The following DAW1 variants were observed in gnomAD, a reference collection of about 807,000 sequenced individuals.
DAW1 encodes the protein dynein assembly factor with WD repeats 1.
In DAW1, 47 loss-of-function variants were observed where a neutral mutation model predicts 56.5. The observed-to-expected ratio is 0.83, with a 90% CI of 0.66 to 1.06. The LOEUF (loss-of-function observed/expected upper bound fraction) is 1.06. DAW1 is among the 50% of genes least tolerant of loss of function. DAW1 has a pLI of 0.00. For synonymous variants in DAW1, 190 were observed against 179.0 expected (o/e 1.06, Z -0.49); for missense variants, 505 against 499.3 (o/e 1.01, Z -0.11).
chr2:227,902,754 G>A (rs1691575727), intron 6 of DAW1, among the ~76,000 whole-genome samples: 5 of 152,288 alleles, frequency 3.3e-5, no homozygotes, highest in African/African-American at 1.2e-4. Context: ...TCTGTGGTCT[G>A]GAAGTGGCAA....
rs1691709260 is a variant in DAW1 at position 227,907,274 on chromosome 2, T to TGGTAG, written c.973+22_973+23insGGTAG. Reference sequence around the variant, plus strand: ...GATGGTAGGTGATCTGTTCATTCTTTTAATTTTTGGAGAGATTTATGCTTT... The same window carrying TGGTAG: ...GATGGTAGGTGATCTGTTCATTCTTTGGTAGTAATTTTTGGAGAGATTTATGCTTT... On this transcript the variant is annotated intron_variant, in intron 10 of 12. Transcript: ENST00000309931. 3 of 1,587,368 alleles carry TGGTAG rather than the reference T, an allele frequency of 1.9e-6. No individual in the cohort carries two copies. In the African/African-American group the frequency reaches 4.0e-5, roughly 21 times the overall value.
chr2:227,894,106 A>T (rs906305509), intron 5 of DAW1, among the ~76,000 whole-genome samples, 189 bp downstream of exon 5: 1 of 152,026 alleles, frequency 6.6e-6, no homozygotes, highest in African/African-American at 2.4e-5. Flanking sequence ...CCGCATATAG[A>T]ATACAAGGTT....
chr2:227,916,804 A>G (rs1024422251), intron 10 of DAW1, among the ~76,000 whole-genome samples: 6 of 152,148 alleles, frequency 3.9e-5, no homozygotes, highest in Non-Finnish European at 7.3e-5. Context: ...TGTCTGCGTT[A>G]TCTCCTTTAA....
chr2:227,884,134 C>G (rs1691070619), intron 1 of DAW1, among the ~76,000 whole-genome samples: 1 of 152,146 alleles, frequency 6.6e-6, no homozygotes, highest in Admixed American at 6.5e-5. Flanking sequence ...GTCATCTCTA[C>G]TTTTGAACTC....
At chr2:227,892,517 C>G (rs75603127) in intron 4 of DAW1, among the ~76,000 whole-genome samples, 9,192 of 152,190 alleles carry the variant, frequency 0.06, 950 homozygotes, top group African/African-American at 0.21. Context: ...ATTATGACTT[C>G]AACATATAAA....
At position 227,878,809 on chromosome 2, in the gene DAW1, ATTT is replaced by A. The variant is rs61488173; in HGVS notation, c.41-6527_41-6525del. ...CTCTTACTTTTTAAATTTAAATTTAATTTTTTTTTTTTTTTTTGCCCAGGGTGG... is the reference window on the plus strand; with the variant it reads ...CTCTTACTTTTTAAATTTAAATTTAATTTTTTTTTTTTTTGCCCAGGGTGG... On this transcript the variant is annotated intron_variant, in intron 1 of 12. Transcript: ENST00000309931. 3.1e-3 allele frequency among the ~76,000 whole-genome samples: 434 copies of A among 138,080 alleles called. 2 individuals are homozygous for A. Among genetic ancestry groups the A allele is most frequent in the Middle Eastern group, 0.011 (3 of 266 alleles). 90.6% of individuals were successfully genotyped at this position (138,080 alleles called of 152,430 possible).
intron 1 of DAW1, among the ~76,000 whole-genome samples, chr2:227,872,980 C>T (rs558989887): frequency 6.6e-6 from 1 of 152,278 alleles, no homozygotes; most frequent in East Asian, 1.9e-4. Flanking sequence ...TCCTATCATG[C>T]TTAGAATACG....
chr2:227,882,586 C>A (rs1691035852), intron 1 of DAW1, among the ~76,000 whole-genome samples: 1 of 152,196 alleles, frequency 6.6e-6, no homozygotes, highest in Admixed American at 6.5e-5. Flanking sequence ...ACTAAGAAAG[C>A]ACTTCTGCTC....
chr2:227,921,305 C>CTTTTTTTTTTTTTTTTTTTTTTTTTT (rs556409280), intron 11 of DAW1, 94 bp from the exon 12 acceptor site: 1 of 433,768 alleles, frequency 2.3e-6, no homozygotes, highest in African/African-American at 4.3e-5. Flanking sequence ...CTGTAATGTC[C>CTTTTTTTTTTTTTTTTTTTTTTTTTT]TTTTTTTTTT....
intron 5 of DAW1, among the ~76,000 whole-genome samples, chr2:227,894,929 A>G (rs1006347500): frequency 6.6e-6 from 1 of 152,268 alleles, no homozygotes; most frequent in African/African-American, 2.4e-5. Flanking sequence ...ATTGTGTAAC[A>G]TAACGTGTAA....
rs34249337 is a variant in DAW1, at chr2:227,906,307, T to C, written c.827T>C (p.Ile276Thr). 1,479 of 1,612,596 alleles carry C rather than the reference T, an allele frequency of 9.2e-4. 3 individuals carry two copies. The highest frequency in any genetic ancestry group is 1.2e-3 in the Non-Finnish European group (1,415 of 1,179,094). ...SASFNWDCSL[I>T]LTGSMDKTCK... ...TCATTCAATTGGGATTGCTCTCTAA[T>C]ATTAACTGGCTCTATGGACAAAACC... Residue 276 changes from isoleucine (I) to threonine (T), a missense_variant, in exon 9 of 13, where the codon ATA (isoleucine) becomes ACA (threonine). Transcript: ENST00000309931.
chr2:227,883,412 A>G (rs1413435776), intron 1 of DAW1, among the ~76,000 whole-genome samples: 1 of 152,250 alleles, frequency 6.6e-6, no homozygotes, highest in African/African-American at 2.4e-5. Flanking sequence ...TCAAATGTCC[A>G]GTGCATGATT....
rs182489270 is a variant in DAW1 at position 227,914,394 on chromosome 2, C to T, written c.974-4386C>T. 2.7e-3 allele frequency among the ~76,000 whole-genome samples: 407 copies of T among 152,040 alleles called. 2 individuals carry two copies. Among genetic ancestry groups the T allele is most frequent in the Admixed American group, 5.4e-3 (82 of 15,260 alleles). On this transcript the variant is annotated intron_variant, in intron 10 of 12. Coordinates refer to ENST00000309931, the MANE Select transcript of DAW1 (RefSeq NM_178821.3). Reference sequence around the variant, plus strand: ...TATGTATACCAAATCTCCTTTACAACCATTGATGATCTATGTTATTTGTCA... The same window carrying T: ...TATGTATACCAAATCTCCTTTACAATCATTGATGATCTATGTTATTTGTCA...
At chr2:227,881,884 C>T (rs1230366032) in intron 1 of DAW1, among the ~76,000 whole-genome samples, 3 of 151,448 alleles carry the variant, frequency 2.0e-5, no homozygotes, top group East Asian at 3.9e-4. Context: ...TCCCAAGTAG[C>T]TTGGATTACA....
chr2:227,912,384 T>C, intron 10 of DAW1: 6 of 1,304,806 alleles, frequency 4.6e-6, no homozygotes, highest in Non-Finnish European at 6.1e-6. Context: ...TTGGTAATCA[T>C]GTTTGATGTT....
At chr2:227,897,955 A>G (rs1303745798) in intron 5 of DAW1, among the ~76,000 whole-genome samples, 1 of 131,368 alleles carries the variant, frequency 7.6e-6, no homozygotes, top group Non-Finnish European at 1.7e-5. Context: ...ATAATCCCAA[A>G]CAAATATACC....
At chr2:227,920,208 T>A (rs572560584) in intron 11 of DAW1, among the ~76,000 whole-genome samples, 1 of 152,358 alleles carries the variant, frequency 6.6e-6, no homozygotes, top group African/African-American at 2.4e-5. Context: ...TTATGCTTTT[T>A]AAATGAACAT....
chr2:227,873,456 A>G lies in DAW1; in HGVS notation c.40+1727A>G, dbSNP rs113482015. On this transcript the variant is annotated intron_variant, in intron 1 of 12. Coordinates refer to ENST00000309931, the MANE Select transcript of DAW1 (RefSeq NM_178821.3). ...GTTTGTTGAATGAATGTATGGATAA[A>G]TGGATGTGTTTGATGAGAGGTCAGG... Among the ~76,000 whole-genome samples the G allele has an allele frequency of 5.3e-3, 806 of 152,312 alleles. 11 individuals are homozygous for G. Among genetic ancestry groups the G allele is most frequent in the African/African-American group, 0.019 (785 of 41,570 alleles).
intron 4 of DAW1, among the ~76,000 whole-genome samples, 155 bp downstream of exon 4, chr2:227,891,468 C>G (rs1691267247): frequency 6.6e-6 from 1 of 152,202 alleles, no homozygotes; most frequent in South Asian, 2.1e-4. Context: ...CTTTCTCCCA[C>G]TCTTCTAATC....
Sources: gnomAD v4.1 joint callset for allele counts (sites outside exome capture counted in the v4.1 genomes callset) on GRCh38, gnomAD v4.1.1 for gene constraint, MANE v1.5 for transcripts, NCBI Gene and HGNC (gene_info 2026-07-23, HGNC 2026-07-21) for gene names.